The following LIX1L variants were observed in gnomAD, a reference collection of about 807,000 sequenced individuals.
The protein encoded by LIX1L is limb and CNS expressed 1 like.
LIX1L carries 20 observed loss-of-function variants against 34.0 expected under a neutral mutation model. That is an observed-to-expected ratio of 0.59 (90% confidence interval 0.41 to 0.85). The LOEUF is 0.85. Ranked by LOEUF, LIX1L falls within the 40% of genes least tolerant of loss-of-function variation. The pLI, the probability that LIX1L is intolerant of heterozygous loss-of-function variation, is 0.00. For synonymous variants in LIX1L, 170 were observed against 187.4 expected, an observed-to-expected ratio of 0.91 and a Z score of 0.76; for missense variants, 397 against 447.0, an observed-to-expected ratio of 0.89 and a Z score of 1.01.
intron 1 of LIX1L, among the ~76,000 whole-genome samples, chr1:145,950,840 C>A (rs918818068): frequency 6.6e-6 from 1 of 152,138 alleles, no homozygotes; most frequent in African/African-American, 2.4e-5. Flanking sequence ...TGCGAATGTG[C>A]GACTTTGTGG....
At chr1:145,937,163 TTTATTTATTTAC>T (rs1476626077) in intron 4 of LIX1L, among the ~76,000 whole-genome samples, 178 bp from the exon 5 acceptor site, 2,230 of 148,846 alleles carry the variant, frequency 0.015, 44 homozygotes, top group African/African-American at 0.048. Context: ...TATTTATTTA[TTTATTTATTTAC>T]TTACTTACTT....
chr1:145,941,285 C>T (rs990798606), intron 3 of LIX1L: 9 of 137,358 alleles, frequency 6.6e-5, no homozygotes, highest in African/African-American at 2.5e-4. Flanking sequence ...CGGATTCTTG[C>T]TCTGTTACCC....
In LIX1L at chr1:145,957,710, C is replaced by G; in HGVS notation, c.218G>C (p.Ser73Thr). The G allele has an allele frequency of 6.7e-7, 1 of 1,497,486 alleles. No individual in the cohort carries two copies. Among genetic ancestry groups the G allele is most frequent in the Non-Finnish European group, 8.9e-7 (1 of 1,129,132 alleles). The allele number at this position is 1,497,486 out of a possible 1,614,324, so 92.8% of individuals were successfully genotyped here. A position where few individuals can be genotyped will look rare whatever the true frequency, so the allele number is the denominator to read the frequency against. ...CACGGCCTCTCGCAGCACTGCCGGG[C>G]TGCCGGCGGCGCCGGGGGGCAGGGG... ...GLPLPPGAAG[S>T]PAVLREAVEA... The change falls in exon 1 of 6, where the codon AGC (serine) becomes ACC (threonine). Residue 73 changes from serine to threonine, a missense_variant. Coordinates refer to ENST00000604000, the MANE Select transcript of LIX1L (RefSeq NM_153713.3).
intron 1 of LIX1L, among the ~76,000 whole-genome samples, chr1:145,949,402 TG>T (rs1293300487): frequency 2.0e-5 from 3 of 152,078 alleles, no homozygotes; most frequent in African/African-American, 7.2e-5. Context: ...CAGTGTTCTG[TG>T]CGTAAGGAAC....
rs1553760547 is a variant in LIX1L at position 145,957,626 on chromosome 1, G to A, written c.292+10C>T. The A allele has an allele frequency of 2.0e-6, 3 of 1,517,292 alleles. No individual in the cohort carries two copies. Among genetic ancestry groups the A allele is most frequent in the Non-Finnish European group, 1.8e-6 (2 of 1,138,408 alleles). 94.0% of individuals were successfully genotyped at this position (1,517,292 alleles called of 1,614,324 possible). A position where few individuals can be genotyped will look rare whatever the true frequency, so the allele number is the denominator to read the frequency against. ...GGGTGTCGCGCAGGAGGCCAGACCC[G>A]CAGACTCACCTCGGCCATAGCCCTG... On this transcript the variant is annotated intron_variant, in intron 1 of 5. Transcript: ENST00000604000.
intron 1 of LIX1L, among the ~76,000 whole-genome samples, chr1:145,949,818 C>CTTT (rs587663292): frequency 1.4e-5 from 2 of 139,654 alleles, no homozygotes; most frequent in Non-Finnish European, 3.1e-5. Context: ...GACCACTCTC[C>CTTT]TTTTTTTTTT....
intron 2 of LIX1L, among the ~76,000 whole-genome samples, chr1:145,943,633 C>T (rs1234244117): frequency 1.3e-5 from 2 of 152,130 alleles, no homozygotes; most frequent in Non-Finnish European, 2.9e-5. Context: ...CTCTAGCCAC[C>T]ATAGTATTCC....
At chr1:145,947,255 C>T (rs967010402) in intron 2 of LIX1L, 23 of 195,538 alleles carry the variant, frequency 1.2e-4, no homozygotes, top group African/African-American at 3.4e-4. Context: ...TAATTGCCTA[C>T]GAAAAAGTAC....
chr1:145,950,609 G>A (rs752045223), intron 1 of LIX1L, among the ~76,000 whole-genome samples: 18 of 150,254 alleles, frequency 1.2e-4, no homozygotes, highest in Non-Finnish European at 2.1e-4. Flanking sequence ...CTCATGATCC[G>A]CCCGCCTCGG....
Position 145,952,942 on chromosome 1 carries a change from C to T in LIX1L, c.292+4694G>A, listed in dbSNP as rs112345655. 4.1e-3 allele frequency among the ~76,000 whole-genome samples: 624 copies of T among 151,768 alleles called. 4 individuals are homozygous for T. The highest frequency in any genetic ancestry group is 0.014 in the African/African-American group (587 of 41,328). On this transcript the variant is annotated intron_variant, in intron 1 of 5. Coordinates refer to ENST00000604000, the MANE Select transcript of LIX1L (RefSeq NM_153713.3). ...ATTTTTTTTTTTTGAGGCAAGGTCT[C>T]GCTCTATCGCTGAAGCTAGAATTCA...
intron 3 of LIX1L, among the ~76,000 whole-genome samples, chr1:145,938,803 G>A (rs980254532): frequency 6.6e-6 from 1 of 151,992 alleles, no homozygotes; most frequent in Non-Finnish European, 1.5e-5. Context: ...GGCCAGGCTG[G>A]TCCTGAACCC....
intron 2 of LIX1L, among the ~76,000 whole-genome samples, chr1:145,945,068 T>C (rs923273609): frequency 1.7e-4 from 26 of 149,504 alleles, no homozygotes; most frequent in Non-Finnish European, 2.7e-4. Flanking sequence ...AAGTGGCTCA[T>C]ACCTGTAATC....
chr1:145,937,134 A>G (rs1648681371), intron 4 of LIX1L, 149 bp from the exon 5 acceptor site: 1 of 135,820 alleles, frequency 7.4e-6, no homozygotes, highest in African/African-American at 4.0e-5. Context: ...AAAAATATTT[A>G]TTTATTTATT....
In LIX1L at chr1:145,942,751, T is replaced by C. The variant is rs782743388; in HGVS notation, c.559A>G (p.Ile187Val). Residue 187 changes from isoleucine to valine, a missense_variant, in exon 3 of 6, where the codon ATC becomes GTC. This residue lies in a region of LIX1L where 174 missense variants were observed against 204.0 expected (regional missense o/e 0.85). Coordinates refer to ENST00000604000, the MANE Select transcript of LIX1L (RefSeq NM_153713.3). ...HPSRRITDEFIEKSVSEALAS... is the reference protein window; with the variant it reads ...HPSRRITDEFVEKSVSEALAS... ...AGGGCCTCAGAGACACTCTTCTCGATGAACTCATCAGTGATTCTTCGGGAA... is the reference window on the plus strand; with the variant it reads ...AGGGCCTCAGAGACACTCTTCTCGACGAACTCATCAGTGATTCTTCGGGAA... The C allele has an allele frequency of 6.2e-7, 1 of 1,614,128 alleles. No individual in the cohort carries two copies. The highest frequency in any genetic ancestry group is 8.5e-7 in the Non-Finnish European group (1 of 1,179,944).
At chr1:145,947,526 T>G in intron 2 of LIX1L, 93 bp downstream of exon 2, 1 of 1,342,274 alleles carries the variant, frequency 7.5e-7, no homozygotes, top group South Asian at 1.3e-5. Context: ...CTCAAATATA[T>G]GATTTCAGGC....
At chr1:145,937,088 T>A in intron 4 of LIX1L, 103 bp from the exon 5 acceptor site, 1 of 702,802 alleles carries the variant, frequency 1.4e-6, no homozygotes, top group Non-Finnish European at 2.6e-6. Context: ...TGTAGAAGCA[T>A]CTCTCATCAC....
At chr1:145,947,818 G>A (rs1553759425) in intron 1 of LIX1L, 36 bp from the exon 2 acceptor site, 3 of 1,599,852 alleles carry the variant, frequency 1.9e-6, no homozygotes, top group Non-Finnish European at 1.7e-6. Context: ...AGCAATGAAT[G>A]AGAACACCTC....
intron 2 of LIX1L, 113 bp downstream of exon 2, chr1:145,947,506 G>T: frequency 8.9e-7 from 1 of 1,122,112 alleles, no homozygotes; most frequent in Non-Finnish European, 1.3e-6. Flanking sequence ...CCCCAGAATT[G>T]CTTTAGGTCC....
rs1649538441 is a variant in LIX1L at position 145,957,802 on chromosome 1, G to A, written c.126C>T (p.Pro42=). The A allele has an allele frequency of 3.3e-5, 45 of 1,353,702 alleles. No individual in the cohort carries two copies. The highest frequency in any genetic ancestry group is 4.2e-5 in the Non-Finnish European group (44 of 1,058,934). The allele number at this position is 1,353,702 out of a possible 1,614,324, so 83.9% of individuals were successfully genotyped here. Residue 42 remains proline (P), a synonymous_variant, in exon 1 of 6, where the codon CCC becomes CCT. Coordinates refer to ENST00000604000, the MANE Select transcript of LIX1L (RefSeq NM_153713.3). The part of the protein sequence containing the change: ...AAATATPPAG[P]PPAPPPPAPP... Reference sequence around the variant, plus strand: ...GTGCGGGAGGCGGCGGGGCAGGCGGGGGGCCCGCAGGGGGTGTGGCGGTGG... The same window carrying A: ...GTGCGGGAGGCGGCGGGGCAGGCGGAGGGCCCGCAGGGGGTGTGGCGGTGG...
Sources: allele counts gnomAD v4.1 joint callset (sites outside exome capture counted in the v4.1 genomes callset), GRCh38; gene constraint gnomAD v4.1.1; regional missense constraint gnomAD v4.1.1; transcripts MANE v1.5; gene names NCBI Gene and HGNC (gene_info 2026-07-23, HGNC 2026-07-21).